Variants in LHFPL3 observed in about 807,000 individuals in gnomAD.
LHFPL3 encodes the protein LHFPL tetraspan subfamily member 3, also known as LHFPL tetraspan subfamily member 3 protein.
Under a neutral mutation model 19.3 loss-of-function variants are expected in LHFPL3, and 5 were observed. That is an observed-to-expected ratio of 0.26 (90% CI 0.14 to 0.54). LHFPL3 has a LOEUF of 0.54. LHFPL3 is among the 20% of genes least tolerant of loss of function. The probability of loss-of-function intolerance (pLI) is 0.94; values close to 1 mark genes in which losing one functional copy is unlikely to be tolerated. For synonymous variants in LHFPL3, 133 were observed against 126.2 expected (o/e 1.05, Z -0.36); for missense variants, 249 against 307.4 (o/e 0.81, Z 1.42).
chr7:104,577,987 A>T (rs1362226768), intron 1 of LHFPL3, among the ~76,000 whole-genome samples: 1 of 152,228 alleles, frequency 6.6e-6, no homozygotes, highest in Non-Finnish European at 1.5e-5. Context: ...CTAGAAGGAA[A>T]TTCTGTCGGT....
At chr7:104,880,625 A>G (rs1248643887) in intron 2 of LHFPL3, among the ~76,000 whole-genome samples, 1 of 151,936 alleles carries the variant, frequency 6.6e-6, no homozygotes, top group African/African-American at 2.4e-5. Flanking sequence ...TCTTTACAGC[A>G]TGGTTTACTT....
intron 1 of LHFPL3, among the ~76,000 whole-genome samples, chr7:104,410,334 T>C (rs1791512476): frequency 6.6e-6 from 1 of 152,188 alleles, no homozygotes. Context: ...GGTTTCACTA[T>C]GTCAGACAGG....
At chr7:104,825,338 A>G (rs917464032) in intron 2 of LHFPL3, among the ~76,000 whole-genome samples, 1 of 151,918 alleles carries the variant, frequency 6.6e-6, no homozygotes, top group Admixed American at 6.6e-5. Context: ...GCCATCACAC[A>G]TCAGCTGCTC....
intron 2 of LHFPL3, among the ~76,000 whole-genome samples, chr7:104,856,212 C>T (rs1791502349): frequency 6.6e-6 from 1 of 150,562 alleles, no homozygotes; most frequent in South Asian, 2.1e-4. Flanking sequence ...CTGCACTCTG[C>T]CCAGATCTCC....
chr7:104,382,196 C>A (rs1790842045), intron 1 of LHFPL3, among the ~76,000 whole-genome samples: 1 of 152,166 alleles, frequency 6.6e-6, no homozygotes, highest in African/African-American at 2.4e-5. Context: ...ATCTGCATCA[C>A]CAGGAAATTT....
At chr7:104,727,603 CAG>C (rs1206423132) in intron 1 of LHFPL3, among the ~76,000 whole-genome samples, 1 of 152,118 alleles carries the variant, frequency 6.6e-6, no homozygotes, top group Non-Finnish European at 1.5e-5. Flanking sequence ...TATGAAAGTG[CAG>C]AGACAGGCAA....
chr7:104,805,079 C>T (rs1430182161), intron 2 of LHFPL3, among the ~76,000 whole-genome samples: 1 of 152,200 alleles, frequency 6.6e-6, no homozygotes, highest in Admixed American at 6.5e-5. Context: ...CCCCCATAGG[C>T]TCAGATGCCC....
intron 1 of LHFPL3, among the ~76,000 whole-genome samples, chr7:104,709,353 G>T (rs2116207425): frequency 8.5e-6 from 1 of 117,350 alleles, no homozygotes; most frequent in Non-Finnish European, 1.9e-5. Flanking sequence ...AAAGGTCTCT[G>T]GTTTTCCTAG....
At chr7:104,619,882 G>A (rs1449327741) in intron 1 of LHFPL3, among the ~76,000 whole-genome samples, 1 of 152,078 alleles carries the variant, frequency 6.6e-6, no homozygotes, top group African/African-American at 2.4e-5. Context: ...GGGCGGGAAT[G>A]GTTTCGGGAT....
chr7:104,424,907 G>A (rs913144482), intron 1 of LHFPL3, among the ~76,000 whole-genome samples: 13 of 149,368 alleles, frequency 8.7e-5, no homozygotes, highest in Non-Finnish European at 8.9e-5. Context: ...GCGTGAACCC[G>A]GGAGGAAGAG....
At chr7:104,862,949 G>A (rs1477589409) in intron 2 of LHFPL3, among the ~76,000 whole-genome samples, 2 of 152,202 alleles carry the variant, frequency 1.3e-5, no homozygotes, top group Non-Finnish European at 2.9e-5. Flanking sequence ...TGTGTAGAAA[G>A]ATGTTGTATA....
chr7:104,488,071 A>G lies in LHFPL3; in HGVS notation c.445+158847A>G, dbSNP rs189794646. Among the ~76,000 whole-genome samples, 497 of 152,112 alleles carry G rather than the reference A, an allele frequency of 3.3e-3. 2 individuals are homozygous for G. The highest frequency in any genetic ancestry group is 0.011 in the African/African-American group (471 of 41,482). On this transcript the variant is annotated intron_variant, in intron 1 of 2. Coordinates refer to ENST00000424859, the MANE Select transcript of LHFPL3 (RefSeq NM_199000.3). The stretch of plus-strand genomic sequence containing the variant: ...TCACTTTCTCATTTCCACCCTTTCT[A>G]TTGCAAACTCTACTGGCAATGGGAC...
At chr7:104,578,677 C>A (rs534059206) in intron 1 of LHFPL3, among the ~76,000 whole-genome samples, 1 of 152,262 alleles carries the variant, frequency 6.6e-6, no homozygotes, top group East Asian at 1.9e-4. Flanking sequence ...CCCACCCTAC[C>A]GTGATAGATT....
chr7:104,404,543 T>C (rs1208985351), intron 1 of LHFPL3, among the ~76,000 whole-genome samples: 1 of 152,184 alleles, frequency 6.6e-6, no homozygotes, highest in Admixed American at 6.5e-5. Context: ...GAACCAAGGT[T>C]ACTGACAAAT....
chr7:104,645,665 T>TTTC (rs1791920031), intron 1 of LHFPL3, among the ~76,000 whole-genome samples: 1 of 132,406 alleles, frequency 7.6e-6, no homozygotes, highest in Non-Finnish European at 1.6e-5. Context: ...TTTTTTTTTT[T>TTTC]TTTTTTTTTT....
At chr7:104,798,487 A>T (rs189696224) in intron 2 of LHFPL3, 3 of 152,348 alleles carry the variant, frequency 2.0e-5, no homozygotes. Flanking sequence ...TTGAAATGGG[A>T]AAGTTATCAC....
intron 2 of LHFPL3, among the ~76,000 whole-genome samples, chr7:104,875,348 A>G (rs546840631): frequency 4.6e-5 from 7 of 151,440 alleles, no homozygotes; most frequent in Non-Finnish European, 1.0e-4. Flanking sequence ...AAATCCTCAC[A>G]CCCTCCAGCC....
chr7:104,485,619 T>C (rs1161995744), intron 1 of LHFPL3, among the ~76,000 whole-genome samples: 2 of 152,216 alleles, frequency 1.3e-5, no homozygotes, highest in Non-Finnish European at 2.9e-5. Context: ...TTAGATTTTC[T>C]ATCATTTTTT....
At chr7:104,781,555 C>A (rs558034666) in intron 2 of LHFPL3, among the ~76,000 whole-genome samples, 19 of 152,162 alleles carry the variant, frequency 1.2e-4, no homozygotes, top group African/African-American at 4.6e-4. Flanking sequence ...CTGAAATTTG[C>A]GCATCTACTA....
Sources: allele counts gnomAD v4.1 joint callset (sites outside exome capture counted in the v4.1 genomes callset), GRCh38; gene constraint gnomAD v4.1.1; transcripts MANE v1.5; gene names NCBI Gene and HGNC (gene_info 2026-07-23, HGNC 2026-07-21).